CHD9: variants seen among roughly 807,000 people sequenced by gnomAD.
CHD9 encodes chromodomain helicase DNA binding protein 9.
Under a neutral mutation model 316.1 loss-of-function variants are expected in CHD9, and 77 were observed. The ratio of observed to expected loss-of-function variants is 0.24; its 90% CI spans 0.20 to 0.29. The LOEUF (loss-of-function observed/expected upper bound fraction) is 0.29. Among genes scored for constraint, CHD9 ranks in the 10% least tolerant of loss-of-function variants. The probability of loss-of-function intolerance (pLI) is 1.00; values close to 1 mark genes in which losing one functional copy is unlikely to be tolerated. For synonymous variants in CHD9, 1,129 were observed against 1,158.3 expected, an observed-to-expected ratio of 0.97 and a Z score of 0.51; for missense variants, 2,763 against 3,438.1, an observed-to-expected ratio of 0.80 and a Z score of 4.91.
chr16:53,158,633 GT>G (rs535384893), intron 2 of CHD9, among the ~76,000 whole-genome samples: 3 of 150,432 alleles, frequency 2.0e-5, no homozygotes, highest in Admixed American at 6.6e-5. Context: ...ACTTTTTTTT[GT>G]TTTTTTTTAA....
At chr16:53,090,332 A>T (rs980954301) in intron 1 of CHD9, among the ~76,000 whole-genome samples, 9 of 152,166 alleles carry the variant, frequency 5.9e-5, no homozygotes, top group Non-Finnish European at 8.8e-5. Flanking sequence ...CATTCCAGAG[A>T]GTCTTCCCAA....
chr16:53,173,321 T>C (rs2042896594), intron 2 of CHD9, among the ~76,000 whole-genome samples: 1 of 152,146 alleles, frequency 6.6e-6, no homozygotes, highest in Non-Finnish European at 1.5e-5. Context: ...AATTTATCAG[T>C]ATAATGTTTT....
chr16:53,275,632 T>C (rs529429855), intron 24 of CHD9, among the ~76,000 whole-genome samples: 2 of 152,314 alleles, frequency 1.3e-5, no homozygotes, highest in Non-Finnish European at 1.5e-5. Flanking sequence ...TCTCTAATTA[T>C]CTGAGTTATG....
chr16:53,173,914 G>T (rs1371297317), intron 2 of CHD9, among the ~76,000 whole-genome samples: 1 of 151,806 alleles, frequency 6.6e-6, no homozygotes, highest in Non-Finnish European at 1.5e-5. Flanking sequence ...TCTATTATAG[G>T]CATTTGATGC....
At chr16:53,162,270 GAA>G (rs1162583007) in intron 2 of CHD9, among the ~76,000 whole-genome samples, 1 of 151,430 alleles carries the variant, frequency 6.6e-6, no homozygotes, top group Non-Finnish European at 1.5e-5. Context: ...GGAGGAGGAA[GAA>G]AAAAGAAAAA....
intron 2 of CHD9, among the ~76,000 whole-genome samples, chr16:53,163,818 A>G (rs1300110791): frequency 1.3e-5 from 2 of 152,238 alleles, no homozygotes; most frequent in Non-Finnish European, 2.9e-5. Flanking sequence ...GAAGCATAGT[A>G]ATAAAAAATT....
chr16:53,312,056 A>G (rs1412740402), intron 34 of CHD9: 2 of 152,250 alleles, frequency 1.3e-5, no homozygotes, highest in African/African-American at 4.8e-5. Context: ...AGCCTCAGAA[A>G]TAAGTCAGGG....
Position 53,304,561 on chromosome 16 carries a change from C to T in CHD9, c.6555C>T (p.Ser2185=). ...CATCCTCTTCCTCCACCTCTTCCTC[C>T]TCCTCCTCCTCTTCATCTTCATCAG... ...SSSSSSSTSS[S]SSSSSSSSEE... The change falls in exon 31 of 39, where the codon TCC becomes TCT. Residue 2185 remains serine (S), a synonymous_variant. Coordinates refer to ENST00000447540, the MANE Select transcript of CHD9 (RefSeq NM_001308319.2). 1 of 1,545,198 alleles carries T rather than the reference C, an allele frequency of 6.5e-7. No homozygotes were observed. Among genetic ancestry groups the T allele is most frequent in the East Asian group, 2.4e-5 (1 of 40,896 alleles).
chr16:53,099,995 C>A (rs12232435), intron 1 of CHD9, among the ~76,000 whole-genome samples: 3 of 152,188 alleles, frequency 2.0e-5, no homozygotes, highest in Non-Finnish European at 4.4e-5. Flanking sequence ...CACTGGCGGC[C>A]GCGTGCTTCC....
chr16:53,118,296 A>G (rs2038474775), intron 1 of CHD9, among the ~76,000 whole-genome samples: 1 of 152,104 alleles, frequency 6.6e-6, no homozygotes, highest in Non-Finnish European at 1.5e-5. Context: ...GCACACCTGT[A>G]ATCCCAGCTA....
At position 53,304,533 on chromosome 16, in the gene CHD9, C is replaced by A; in HGVS notation, c.6527C>A (p.Ser2176Tyr). ...TCTTCATCTTGTTCTTCAGCATCTT[C>A]TTCATCCTCTTCCTCCACCTCTTCC... Reference protein sequence around the residue: ...SSSSSCSSASSSSSSSTSSSS... With the variant: ...SSSSSCSSASYSSSSSTSSSS... Residue 2176 changes from serine to tyrosine, a missense_variant, in exon 31 of 39, where the codon TCT (serine) becomes TAT (tyrosine). Ser to Tyr is a moderately radical substitution (Grantham distance 144). This residue lies in a region of CHD9 where 663 missense variants were observed against 751.2 expected (regional missense o/e 0.88). Transcript: ENST00000447540. 1 of 1,546,582 alleles carries A rather than the reference C, an allele frequency of 6.5e-7. No homozygotes were observed. The highest frequency in any genetic ancestry group is 8.8e-7 in the Non-Finnish European group (1 of 1,142,108).
In CHD9 at chr16:53,101,164, A is replaced by G. The variant is rs567203188; in HGVS notation, c.-165+46087A>G. Among the ~76,000 whole-genome samples, 4 of 152,336 alleles carry G rather than the reference A, an allele frequency of 2.6e-5. No individual in the cohort carries two copies. In the South Asian group the frequency reaches 8.3e-4, roughly 32 times the overall value. ...TACACATTACCGACAGATTAGGTGT[A>G]CATCATCTTATTCCTTTATATCAAG... On this transcript the variant is annotated intron_variant, in intron 1 of 38. Transcript: ENST00000447540.
intron 27 of CHD9, among the ~76,000 whole-genome samples, chr16:53,290,846 A>C (rs2054273931): frequency 6.6e-6 from 1 of 152,180 alleles, no homozygotes; most frequent in Non-Finnish European, 1.5e-5. Context: ...TAACCACCAC[A>C]GTGGAATATG....
chr16:53,290,234 A>C (rs1056691690), intron 27 of CHD9, among the ~76,000 whole-genome samples: 1 of 152,194 alleles, frequency 6.6e-6, no homozygotes, highest in East Asian at 1.9e-4. Flanking sequence ...AGATTGTGCC[A>C]CTGCACTCCT....
intron 3 of CHD9, among the ~76,000 whole-genome samples, chr16:53,214,036 A>C (rs550228826): frequency 6.6e-6 from 1 of 152,314 alleles, no homozygotes; most frequent in South Asian, 2.1e-4. Context: ...ATTAAGTATA[A>C]GTCATGTTAT....
chr16:53,283,746 A>G (rs929577337), intron 24 of CHD9, among the ~76,000 whole-genome samples: 3 of 151,820 alleles, frequency 2.0e-5, no homozygotes, highest in African/African-American at 4.8e-5. Context: ...CTTTTTCTCT[A>G]TTTTTCTAAA....
At chr16:53,240,058 G>T (rs983649521) in intron 12 of CHD9, among the ~76,000 whole-genome samples, 1 of 152,072 alleles carries the variant, frequency 6.6e-6, no homozygotes, top group African/African-American at 2.4e-5. Context: ...GAGATTGCAG[G>T]AGTGCATTTC....
At chr16:53,060,970 G>T (rs1235506884) in intron 1 of CHD9, among the ~76,000 whole-genome samples, 3 of 138,214 alleles carry the variant, frequency 2.2e-5, no homozygotes, top group Non-Finnish European at 4.6e-5. Context: ...CTTTTGCCCA[G>T]GCTGAAGTGA....
At chr16:53,124,170 AT>A (rs1255321551) in intron 1 of CHD9, among the ~76,000 whole-genome samples, 1 of 152,150 alleles carries the variant, frequency 6.6e-6, no homozygotes, top group East Asian at 1.9e-4. Context: ...AACAACCATC[AT>A]TTTACATTCC....
Sources: allele counts gnomAD v4.1 joint callset (sites outside exome capture counted in the v4.1 genomes callset), GRCh38; gene constraint gnomAD v4.1.1; regional missense constraint gnomAD v4.1.1; transcripts MANE v1.5; gene names NCBI Gene and HGNC (gene_info 2026-07-23, HGNC 2026-07-21).